TMEM143: variants seen among roughly 807,000 people sequenced by gnomAD.
TMEM143 encodes the protein transmembrane protein 143.
A neutral mutation model predicts 40.3 loss-of-function variants in TMEM143; 45 were observed. The ratio of observed to expected loss-of-function variants is 1.12; its 90% CI spans 0.88 to 1.43. TMEM143 has a LOEUF of 1.43. TMEM143 is among the 40% of genes most tolerant of loss of function. The pLI is 0.00. For missense variants in TMEM143, 620 were observed against 613.4 expected, an observed-to-expected ratio of 1.01 and a Z score of -0.11; for synonymous variants, 299 against 282.7, an observed-to-expected ratio of 1.06 and a Z score of -0.58.
intron 6 of TMEM143, among the ~76,000 whole-genome samples, chr19:48,337,658 A>G (rs967566741): frequency 6.6e-6 from 1 of 152,056 alleles, no homozygotes; most frequent in Admixed American, 6.6e-5. Flanking sequence ...GGGTGCCCAT[A>G]GGGTGTTCCC....
intron 6 of TMEM143, 120 bp downstream of exon 6, chr19:48,342,410 G>GGA (rs1569026988): frequency 1.9e-6 from 2 of 1,063,932 alleles, no homozygotes; most frequent in African/African-American, 1.8e-5. Flanking sequence ...GGAAGGAAGG[G>GGA]AGGGAGGGAG....
In TMEM143 at chr19:48,360,169, T is replaced by G. The variant is rs752650842; in HGVS notation, c.272A>C (p.His91Pro). Residue 91 changes from histidine to proline, a missense_variant, in exon 3 of 8, where the codon CAC (histidine) becomes CCC (proline). His to Pro is a moderately conservative substitution (Grantham distance 77, BLOSUM62 -2). Transcript: ENST00000293261. The stretch of plus-strand genomic sequence containing the variant: ...AGCCGCCTTCTCTGCCGGACTCGAG[T>G]GGAATTCCTGTTACCTCAGGAAGCA... Reference protein sequence around the residue: ...QLLRLLIQEFHSSPAEKAALE... With the variant: ...QLLRLLIQEFPSSPAEKAALE... 1 of 1,613,844 alleles carries G rather than the reference T, an allele frequency of 6.2e-7. No individual in the cohort carries two copies. Among genetic ancestry groups the G allele is most frequent in the African/African-American group, 1.3e-5 (1 of 74,882 alleles).
chr19:48,348,139 A>T (rs1969686635), intron 3 of TMEM143, among the ~76,000 whole-genome samples: 1 of 152,020 alleles, frequency 6.6e-6, no homozygotes, highest in African/African-American at 2.4e-5. Context: ...CAGTTCTGGG[A>T]CTTACAGAGT....
chr19:48,358,399 T>A (rs8106424), intron 3 of TMEM143, among the ~76,000 whole-genome samples: 113,529 of 150,138 alleles, frequency 0.76, 42,984 homozygotes, highest in Admixed American at 0.83. Context: ...AAAAAAAAAA[T>A]ATATTAGAAT....
chr19:48,334,123 G>A lies in TMEM143; in HGVS notation c.1050C>T (p.Asn350=), dbSNP rs1285981691. ...HMLYYRSTSN[N]SELLSALALR... The stretch of plus-strand genomic sequence containing the variant: ...GGGCCAGGGCGCTGAGCAGCTCCGA[G>A]TTGTTGGACGTACTGCGATAGTACA... Residue 350 remains asparagine, a synonymous_variant, in exon 7 of 8, where the codon AAC becomes AAT. Transcript: ENST00000293261. The A allele has an allele frequency of 1.2e-6, 2 of 1,606,108 alleles. No individual in the cohort carries two copies. The highest frequency in any genetic ancestry group is 1.7e-6 in the Non-Finnish European group (2 of 1,177,026).
At chr19:48,356,565 G>A (rs552104460) in intron 3 of TMEM143, among the ~76,000 whole-genome samples, 1 of 150,672 alleles carries the variant, frequency 6.6e-6, no homozygotes, top group African/African-American at 2.4e-5. Flanking sequence ...AAGTAGCTGG[G>A]ATTATAGACA....
At chr19:48,353,070 T>C (rs574735756) in intron 3 of TMEM143, among the ~76,000 whole-genome samples, 1 of 152,238 alleles carries the variant, frequency 6.6e-6, no homozygotes, top group African/African-American at 2.4e-5. Context: ...GCAATTTTTT[T>C]CCCAAATATT....
intron 4 of TMEM143, among the ~76,000 whole-genome samples, chr19:48,343,901 T>C (rs903323527): frequency 5.9e-5 from 9 of 152,214 alleles, no homozygotes; most frequent in African/African-American, 2.2e-4. Flanking sequence ...TTTATTTCTA[T>C]TTTGAGATAT....
Position 48,333,340 on chromosome 19 carries a change from T to A in TMEM143, c.1259A>T (p.His420Leu). The stretch of plus-strand genomic sequence containing the variant: ...CATGCTGGGGGTCAGGGCCTGCAGA[T>A]GCGCCAGGGCCCGAGTTCCGTTGAA... ...VTFNGTRALA[H>L]LQALTPSMGL... Residue 420 changes from histidine (H) to leucine (L), a missense_variant, in exon 8 of 8, where the codon CAT becomes CTT. By Grantham distance (99) the His-to-Leu change is moderately conservative. Transcript: ENST00000293261. This position sits in a 1 kb window ranked among gnomAD's most constrained non-coding sequence, Gnocchi z 4.1. 6.2e-7 allele frequency: 1 copy of A among 1,609,966 alleles called. No homozygotes were observed. The highest frequency in any genetic ancestry group is 8.5e-7 in the Non-Finnish European group (1 of 1,177,132).
In TMEM143 at chr19:48,333,084, A is replaced by G; in HGVS notation, c.*135T>C. Reference sequence around the variant, plus strand: ...GATTGGCTGCTTTGCTTAAGCACACAGTGCAGCAAAAATAATCACCTGTCA... The same window carrying G: ...GATTGGCTGCTTTGCTTAAGCACACGGTGCAGCAAAAATAATCACCTGTCA... On this transcript the variant is annotated 3_prime_UTR_variant, in exon 8 of 8. Transcript: ENST00000293261. This position sits in a 1 kb window ranked among gnomAD's most constrained non-coding sequence, Gnocchi z 4.1. 1.5e-6 allele frequency: 1 copy of G among 669,230 alleles called. No homozygotes were observed. Among genetic ancestry groups the G allele is most frequent in the Non-Finnish European group, 2.2e-6 (1 of 448,184 alleles). The allele number at this position is 669,230 out of a possible 1,614,324, so 41.5% of individuals were successfully genotyped here.
At chr19:48,338,271 TC>T (rs1969416295) in intron 6 of TMEM143, among the ~76,000 whole-genome samples, 1 of 152,060 alleles carries the variant, frequency 6.6e-6, no homozygotes, top group African/African-American at 2.4e-5. Context: ...CCTGCATCAC[TC>T]CAGCCTCCTC....
chr19:48,363,447 C>T lies in TMEM143; in HGVS notation c.108G>A (p.Ala36=), dbSNP rs767960824. 1 of 1,613,938 alleles carries T rather than the reference C, an allele frequency of 6.2e-7. No individual in the cohort carries two copies. Among genetic ancestry groups the T allele is most frequent in the Non-Finnish European group, 8.5e-7 (1 of 1,179,990 alleles). The change falls in exon 2 of 8, where the codon GCG becomes GCA. Residue 36 remains alanine (A), a synonymous_variant. Coordinates refer to ENST00000293261, the MANE Select transcript of TMEM143 (RefSeq NM_018273.4). ...AGAGGGCCCGGGGGGGCCCGAGGAGCGCGGGCAACAGTGGCCATACTCGGA... is the reference window on the plus strand; with the variant it reads ...AGAGGGCCCGGGGGGGCCCGAGGAGTGCGGGCAACAGTGGCCATACTCGGA... The part of the protein sequence containing the change: ...SRVRVWPLLP[A]LLGPPRALSS...
At chr19:48,334,497 GTTCT>G (rs566820031) in intron 6 of TMEM143, among the ~76,000 whole-genome samples, 698 of 45,614 alleles carry the variant, frequency 0.015, 9 homozygotes, top group South Asian at 0.095. Flanking sequence ...TCTTTCTTTC[GTTCT>G]TTCTTTCTTT....
intron 3 of TMEM143, among the ~76,000 whole-genome samples, chr19:48,352,009 A>T (rs954165751): frequency 5.8e-4 from 88 of 151,970 alleles, no homozygotes; most frequent in African/African-American, 2.1e-3. Flanking sequence ...GCATTTTGAG[A>T]GGCCGAGGCG....
chr19:48,344,413 C>T (rs572992867), intron 4 of TMEM143, among the ~76,000 whole-genome samples: 160 of 151,840 alleles, frequency 1.1e-3, no homozygotes, highest in African/African-American at 3.7e-3. Context: ...CTCAGCCTCC[C>T]GAGTAGCTGG....
intron 3 of TMEM143, among the ~76,000 whole-genome samples, chr19:48,358,515 C>G (rs1380194899): frequency 1.3e-5 from 2 of 152,230 alleles, no homozygotes; most frequent in East Asian, 3.9e-4. Flanking sequence ...CTCCCCCATC[C>G]CAGTAAATGG....
At chr19:48,351,416 G>A (rs960417729) in intron 3 of TMEM143, among the ~76,000 whole-genome samples, 7 of 151,888 alleles carry the variant, frequency 4.6e-5, no homozygotes, top group Non-Finnish European at 1.0e-4. Context: ...TCCCCGCCCC[G>A]TCCCCATCCC....
intron 5 of TMEM143, 44 bp downstream of exon 5, chr19:48,343,277 C>A (rs1425241715): frequency 6.3e-7 from 1 of 1,593,554 alleles, no homozygotes; most frequent in South Asian, 1.1e-5. Flanking sequence ...TTGACTCTAA[C>A]CTTGCTCCCT....
Position 48,333,302 on chromosome 19 carries a change from G to C in TMEM143, c.1297C>G (p.Pro433Ala). ...GGGTCTAGTTTGGGGAAACCCGGGG[G>C]TGGGTACAATCCCATGCTGGGGGTC... Reference protein sequence around the residue: ...ALTPSMGLYPPPGFPKLDPVA... With the variant: ...ALTPSMGLYPAPGFPKLDPVA... Residue 433 changes from proline to alanine, a missense_variant, in exon 8 of 8, where the codon CCC becomes GCC. By Grantham distance (27) the Pro-to-Ala change is conservative. Coordinates refer to ENST00000293261, the MANE Select transcript of TMEM143 (RefSeq NM_018273.4). This position sits in a 1 kb window ranked among gnomAD's most constrained non-coding sequence, Gnocchi z 4.1. 2.5e-6 allele frequency: 4 copies of C among 1,588,300 alleles called. No individual in the cohort carries two copies. The highest frequency in any genetic ancestry group is 1.7e-6 in the Non-Finnish European group (2 of 1,163,318).
Sources: gnomAD v4.1 joint callset for allele counts (sites outside exome capture counted in the v4.1 genomes callset) on GRCh38, gnomAD v4.1.1 for gene constraint, Gnocchi (gnomAD v3.1) non-coding constraint, MANE v1.5 for transcripts, NCBI Gene and HGNC (gene_info 2026-07-23, HGNC 2026-07-21) for gene names.